TRPM1: variants seen among roughly 807,000 people sequenced by gnomAD.
TRPM1 encodes transient receptor potential cation channel subfamily M member 1.
Under a neutral mutation model 149.4 loss-of-function variants are expected in TRPM1, and 113 were observed. That is an observed-to-expected ratio of 0.76 (90% confidence interval 0.65 to 0.88). The LOEUF is 0.88. TRPM1 is among the 40% of genes least tolerant of loss of function. The probability of loss-of-function intolerance (pLI) is 0.00; values close to 1 mark genes in which losing one functional copy is unlikely to be tolerated. For synonymous variants in TRPM1, 741 were observed against 759.5 expected (o/e 0.98, Z 0.40); for missense variants, 1,976 against 2,038.7 (o/e 0.97, Z 0.59).
chr15:31,113,379 G>A (rs978685846), intron 1 of TRPM1, among the ~76,000 whole-genome samples: 3 of 151,910 alleles, frequency 2.0e-5, no homozygotes, highest in Admixed American at 1.3e-4. Context: ...ACAACCAACG[G>A]GGTTCTCCAA....
At chr15:31,066,981 C>A in intron 6 of TRPM1, 82 bp downstream of exon 6, 1 of 1,582,680 alleles carries the variant, frequency 6.3e-7, no homozygotes. Flanking sequence ...ATTATTCTTA[C>A]AACTGCATCT....
At position 31,070,191 on chromosome 15, in the gene TRPM1, G is replaced by T. The variant is rs1187046162; in HGVS notation, c.119C>A (p.Pro40His). The change falls in exon 4 of 28, where the codon CCC (proline) becomes CAC (histidine). Residue 40 changes from proline to histidine, a missense_variant. Around this residue, in one of 3 missense-constraint regions of TRPM1, gnomAD observed 1,332 missense variants for 1,347.1 expected, o/e 0.99. Coordinates refer to ENST00000256552, the MANE Select transcript of TRPM1 (RefSeq NM_001252024.2). ...GCTGGGTGTTGCACTTGGCAGAGGGGGGATATGCTGGTTGGTGAACTGGCC... is the reference window on the plus strand; with the variant it reads ...GCTGGGTGTTGCACTTGGCAGAGGGTGGATATGCTGGTTGGTGAACTGGCC... ...CCGQFTNQHI[P>H]PLPSATPSKN... The T allele has an allele frequency of 6.2e-7, 1 of 1,613,972 alleles. No individual in the cohort carries two copies. Among genetic ancestry groups the T allele is most frequent in the African/African-American group, 1.3e-5 (1 of 75,014 alleles).
At chr15:31,009,222 A>C (rs1033245344) in intron 27 of TRPM1, among the ~76,000 whole-genome samples, 5 of 152,040 alleles carry the variant, frequency 3.3e-5, no homozygotes, top group African/African-American at 1.2e-4. Context: ...AATGCAGGCC[A>C]TGGTGACCTG....
At chr15:31,141,922 T>A (rs549418446) in intron 1 of TRPM1, among the ~76,000 whole-genome samples, 25 of 152,096 alleles carry the variant, frequency 1.6e-4, no homozygotes, top group Non-Finnish European at 3.4e-4. Flanking sequence ...AAGAAACAGG[T>A]TAAGTTGAAA....
intron 13 of TRPM1, among the ~76,000 whole-genome samples, chr15:31,048,638 C>T (rs2033851321): frequency 1.3e-5 from 2 of 151,972 alleles, no homozygotes; most frequent in Admixed American, 6.5e-5. Flanking sequence ...ATGTCGAAAC[C>T]CTGTCTCTAC....
rs375420435 is a variant in TRPM1 at position 31,150,925 on chromosome 15, A to C, written c.54+9981T>G. 4.2e-4 allele frequency among the ~76,000 whole-genome samples: 64 copies of C among 152,282 alleles called. 1 individual carries two copies. The South Asian group carries it at 0.012, about 30-fold the overall frequency. On this transcript the variant is annotated intron_variant, in intron 1 of 26. Transcript: ENST00000542188. ...TAAGGGGAACAAAGCAATATGGAGTATCTCAAGCCAAGAGTCCACATGCGC... is the reference window on the plus strand; with the variant it reads ...TAAGGGGAACAAAGCAATATGGAGTCTCTCAAGCCAAGAGTCCACATGCGC...
At chr15:31,094,323 T>C (rs2035320414) in intron 1 of TRPM1, among the ~76,000 whole-genome samples, 1 of 151,998 alleles carries the variant, frequency 6.6e-6, no homozygotes, top group African/African-American at 2.4e-5. Context: ...TATGATACCA[T>C]AAGCATGAAC....
chr15:31,157,389 G>A (rs1596108210), intron 1 of TRPM1, among the ~76,000 whole-genome samples: 1 of 152,272 alleles, frequency 6.6e-6, no homozygotes, highest in East Asian at 1.9e-4. Flanking sequence ...GCATGAATGT[G>A]AATGTGAGCA....
intron 1 of TRPM1, among the ~76,000 whole-genome samples, chr15:31,123,311 T>TTAGGG (rs1311701751): frequency 6.6e-6 from 1 of 152,114 alleles, no homozygotes; most frequent in African/African-American, 2.4e-5. Flanking sequence ...AAAGAATGGC[T>TTAGGG]TAGGGAAGAA....
At chr15:31,010,939 T>G (rs1399408885) in intron 27 of TRPM1, among the ~76,000 whole-genome samples, 1 of 152,230 alleles carries the variant, frequency 6.6e-6, no homozygotes, top group Non-Finnish European at 1.5e-5. Flanking sequence ...TCATATCTTA[T>G]GAGGCTCTGC....
At chr15:31,119,374 G>C (rs1302720475) in intron 1 of TRPM1, among the ~76,000 whole-genome samples, 2 of 152,038 alleles carry the variant, frequency 1.3e-5, no homozygotes, top group African/African-American at 4.8e-5. Context: ...AGTGTTAAAA[G>C]AAACAAACCA....
chr15:31,060,136 C>A (rs1028859859), intron 11 of TRPM1: 8 of 217,562 alleles, frequency 3.7e-5, no homozygotes, highest in Non-Finnish European at 6.9e-5. Context: ...CACACATAGA[C>A]ACACACACAT....
At chr15:31,043,773 C>T (rs551970264) in intron 16 of TRPM1, among the ~76,000 whole-genome samples, 2 of 152,180 alleles carry the variant, frequency 1.3e-5, no homozygotes, top group South Asian at 4.1e-4. Flanking sequence ...TTTAAGCCTA[C>T]CTTTCAATAA....
Position 31,123,825 on chromosome 15 carries a change from G to A in TRPM1, c.54+37081C>T, listed in dbSNP as rs565952051. 3.9e-5 allele frequency among the ~76,000 whole-genome samples: 6 copies of A among 152,274 alleles called. No individual in the cohort carries two copies. In the South Asian group the frequency reaches 1.2e-3, roughly 32 times the overall value. On this transcript the variant is annotated intron_variant, in intron 1 of 26. Coordinates refer to the TRPM1 transcript ENST00000542188. ...AGTCTTATCTTATGATCCAGAAAAT[G>A]GGCTCCTAGGCATTTACTCAAACAA...
At chr15:31,041,066 A>G (rs2033601519) in intron 17 of TRPM1, among the ~76,000 whole-genome samples, 1 of 152,172 alleles carries the variant, frequency 6.6e-6, no homozygotes, top group African/African-American at 2.4e-5. Context: ...AAGGTGGCAC[A>G]AGCTGAATTT....
intron 1 of TRPM1, among the ~76,000 whole-genome samples, chr15:31,089,444 T>G (rs73374074): frequency 0.045 from 6,802 of 152,330 alleles, 410 homozygotes; most frequent in African/African-American, 0.13. Flanking sequence ...TGACAGGTCA[T>G]TGGTGACCAT....
At chr15:31,052,208 T>C (rs1387012712) in intron 11 of TRPM1, among the ~76,000 whole-genome samples, 1 of 152,164 alleles carries the variant, frequency 6.6e-6, no homozygotes, top group African/African-American at 2.4e-5. Context: ...AACCCTTAAG[T>C]AGGGCTGAGG....
chr15:31,081,280 G>T, intron 2 of TRPM1, 73 bp downstream of exon 2: 4 of 762,892 alleles, frequency 5.2e-6, no homozygotes, highest in African/African-American at 1.8e-5. Context: ...TAATAAAAAC[G>T]CTAGCATGTG....
intron 1 of TRPM1, among the ~76,000 whole-genome samples, chr15:31,089,780 T>G (rs1411703751): frequency 6.6e-6 from 1 of 152,168 alleles, no homozygotes; most frequent in Non-Finnish European, 1.5e-5. Context: ...CTCAACATGG[T>G]GTCCCCAAAG....
Sources: allele counts gnomAD v4.1 joint callset (sites outside exome capture counted in the v4.1 genomes callset), GRCh38; gene constraint gnomAD v4.1.1; regional missense constraint gnomAD v4.1.1; transcripts MANE v1.5; gene names NCBI Gene and HGNC (gene_info 2026-07-23, HGNC 2026-07-21).